Variants in SRBD1 observed in about 807,000 individuals in gnomAD.
SRBD1 encodes S1 RNA binding domain 1.
SRBD1 carries 88 observed loss-of-function variants against 115.3 expected under a neutral mutation model. The ratio of observed to expected loss-of-function variants is 0.76; its 90% CI spans 0.64 to 0.91. The LOEUF (loss-of-function observed/expected upper bound fraction) is 0.91, where lower values mean the gene tolerates loss of function less well. Ranked by LOEUF, SRBD1 falls within the 40% of genes least tolerant of loss-of-function variation. SRBD1 has a pLI of 0.00. For missense variants in SRBD1, 1,385 were observed against 1,177.4 expected (o/e 1.18, Z -2.58); for synonymous variants, 509 against 407.7 (o/e 1.25, Z -2.99).
At chr2:45,527,881 T>G (rs1209296336) in intron 14 of SRBD1, among the ~76,000 whole-genome samples, 1 of 151,898 alleles carries the variant, frequency 6.6e-6, no homozygotes, top group Non-Finnish European at 1.5e-5. Flanking sequence ...TTACCTTGTT[T>G]ATAGGAATCA....
At chr2:45,429,091 C>T (rs1007921826) in intron 16 of SRBD1, among the ~76,000 whole-genome samples, 4 of 152,062 alleles carry the variant, frequency 2.6e-5, no homozygotes, top group Admixed American at 6.5e-5. Context: ...CCCAAGACTA[C>T]ACCAGGAAAA....
chr2:45,599,297 A>C, intron 4 of SRBD1, 152 bp downstream of exon 4: 1 of 1,036,554 alleles, frequency 9.6e-7, no homozygotes, highest in Non-Finnish European at 1.4e-6. Flanking sequence ...GTACCCAAGA[A>C]AGTTACAAGT....
intron 14 of SRBD1, among the ~76,000 whole-genome samples, chr2:45,520,710 G>A (rs544466497): frequency 6.6e-6 from 1 of 152,182 alleles, no homozygotes; most frequent in Admixed American, 6.5e-5. Context: ...TGAACACCAA[G>A]ATGAGTTTGG....
At chr2:45,425,098 T>C (rs535969714) in intron 16 of SRBD1, among the ~76,000 whole-genome samples, 1 of 152,304 alleles carries the variant, frequency 6.6e-6, no homozygotes, top group Non-Finnish European at 1.5e-5. Flanking sequence ...TCTTTATCAT[T>C]TAATCAAGAA....
At chr2:45,583,898 T>C (rs188145148) in intron 5 of SRBD1, among the ~76,000 whole-genome samples, 5 of 152,318 alleles carry the variant, frequency 3.3e-5, no homozygotes, top group African/African-American at 4.8e-5. Flanking sequence ...GGAATTCTTT[T>C]GCAATAGAAG....
chr2:45,463,739 T>C (rs147072884), intron 16 of SRBD1, among the ~76,000 whole-genome samples: 178 of 152,310 alleles, frequency 1.2e-3, no homozygotes, highest in African/African-American at 4.1e-3. Context: ...GTAATACCTT[T>C]ATGAAGGATT....
At chr2:45,497,731 A>C (rs35602149) in intron 14 of SRBD1, among the ~76,000 whole-genome samples, 19,466 of 110,610 alleles carry the variant, frequency 0.18, 1,325 homozygotes, top group South Asian at 0.23. Context: ...AATTTCATAT[A>C]ATTTTTTTTT....
At chr2:45,407,102 T>A (rs1220239134) in intron 19 of SRBD1, among the ~76,000 whole-genome samples, 1 of 152,172 alleles carries the variant, frequency 6.6e-6, no homozygotes, top group African/African-American at 2.4e-5. Flanking sequence ...TAAGTCAGCT[T>A]AGGCAATTTA....
At chr2:45,605,634 T>C (rs1180525959) in intron 1 of SRBD1, among the ~76,000 whole-genome samples, 193 bp from the exon 2 acceptor site, 1 of 152,198 alleles carries the variant, frequency 6.6e-6, no homozygotes, top group African/African-American at 2.4e-5. Flanking sequence ...CTGGGCACCA[T>C]GGCTCATGCC....
rs11887900 is a variant in SRBD1 at position 45,587,119 on chromosome 2, T to A, written c.649-1345A>T. 2.4e-3 allele frequency among the ~76,000 whole-genome samples: 308 copies of A among 127,820 alleles called. 5 individuals are homozygous for A. Among genetic ancestry groups the A allele is most frequent in the Non-Finnish European group, 3.2e-3 (205 of 63,390 alleles). 83.9% of individuals were successfully genotyped at this position (127,820 alleles called of 152,430 possible). A position where few individuals can be genotyped will look rare whatever the true frequency, so the allele number is the denominator to read the frequency against. ...AATATTTAATTATTTTAAAATATAATTATTAAAATATTTAAAATTTTTTAA... is the reference window on the plus strand; with the variant it reads ...AATATTTAATTATTTTAAAATATAAATATTAAAATATTTAAAATTTTTTAA... On this transcript the variant is annotated intron_variant, in intron 4 of 20. Coordinates refer to ENST00000263736, the MANE Select transcript of SRBD1 (RefSeq NM_018079.5).
At chr2:45,413,461 GA>G (rs1246467281) in intron 18 of SRBD1, among the ~76,000 whole-genome samples, 168 bp from the exon 19 acceptor site, 1 of 152,134 alleles carries the variant, frequency 6.6e-6, no homozygotes, top group Non-Finnish European at 1.5e-5. Context: ...AAATCACTGG[GA>G]AAAGGGCTTT....
chr2:45,594,655 T>C (rs1197906693), intron 4 of SRBD1, among the ~76,000 whole-genome samples: 1 of 152,214 alleles, frequency 6.6e-6, no homozygotes, highest in Admixed American at 6.5e-5. Context: ...TCATGTATAA[T>C]GTCTGTTAAA....
intron 10 of SRBD1, among the ~76,000 whole-genome samples, chr2:45,559,680 T>G (rs543794588): frequency 1.3e-5 from 2 of 152,322 alleles, no homozygotes; most frequent in African/African-American, 4.8e-5. Flanking sequence ...TAAGCATTTC[T>G]AGTCATTCAC....
intron 15 of SRBD1, among the ~76,000 whole-genome samples, chr2:45,484,175 CAT>C (rs1326018193): frequency 6.6e-6 from 1 of 151,584 alleles, no homozygotes; most frequent in Non-Finnish European, 1.5e-5. Flanking sequence ...GTTTTCATTA[CAT>C]GTTAGGTGAC....
At chr2:45,411,293 G>C (rs760190804) in intron 19 of SRBD1, among the ~76,000 whole-genome samples, 1 of 152,166 alleles carries the variant, frequency 6.6e-6, no homozygotes, top group Admixed American at 6.5e-5. Context: ...ACTGAGAGTA[G>C]ACAGTATAAA....
At chr2:45,567,119 G>A (rs1311140224) in intron 9 of SRBD1, among the ~76,000 whole-genome samples, 3 of 152,094 alleles carry the variant, frequency 2.0e-5, no homozygotes, top group Non-Finnish European at 4.4e-5. Flanking sequence ...TGTGCTTCAT[G>A]TTGAAAAGAA....
chr2:45,487,346 C>A (rs935516070), intron 15 of SRBD1, among the ~76,000 whole-genome samples: 2 of 152,120 alleles, frequency 1.3e-5, no homozygotes, highest in Non-Finnish European at 2.9e-5. Flanking sequence ...TTAGATGCAT[C>A]ATAGTATCTT....
In SRBD1 at chr2:45,470,440, C is replaced by G. The variant is rs565075688; in HGVS notation, c.2049+6553G>C. ...GTTCCAAAAACTTATTTTGGCCAAC[C>G]ATTTCATTCTCTATCATCACCAAAT... On this transcript the variant is annotated intron_variant, in intron 16 of 20. Transcript: ENST00000263736. Among the ~76,000 whole-genome samples the G allele has an allele frequency of 6.6e-5, 10 of 152,232 alleles. No individual in the cohort carries two copies. In the East Asian group the frequency reaches 1.4e-3, roughly 21 times the overall value.
intron 14 of SRBD1, among the ~76,000 whole-genome samples, chr2:45,518,436 G>T (rs1287282984): frequency 6.6e-6 from 1 of 152,122 alleles, no homozygotes; most frequent in Non-Finnish European, 1.5e-5. Context: ...TTCCAAACTA[G>T]GCTGGCAGCA....
Sources: allele counts gnomAD v4.1 joint callset (sites outside exome capture counted in the v4.1 genomes callset), GRCh38; gene constraint gnomAD v4.1.1; transcripts MANE v1.5; gene names NCBI Gene and HGNC (gene_info 2026-07-23, HGNC 2026-07-21).